SNTB1: variants seen among roughly 807,000 people sequenced by gnomAD.
The protein encoded by SNTB1 is beta-1-syntrophin.
A neutral mutation model predicts 48.9 loss-of-function variants in SNTB1; 36 were observed. That is an observed-to-expected ratio of 0.74 (90% CI 0.56 to 0.97). SNTB1 has a LOEUF of 0.97. Among genes scored for constraint, SNTB1 ranks in the 50% least tolerant of loss-of-function variants. The probability of loss-of-function intolerance (pLI) is 0.00; values close to 1 mark genes in which losing one functional copy is unlikely to be tolerated. For synonymous variants in SNTB1, 299 were observed against 294.6 expected (o/e 1.01, Z -0.15); for missense variants, 786 against 703.4 (o/e 1.12, Z -1.33).
intron 1 of SNTB1, among the ~76,000 whole-genome samples, chr8:120,776,148 T>C (rs1819732896): frequency 1.3e-5 from 2 of 152,166 alleles, no homozygotes; most frequent in Admixed American, 6.5e-5. Flanking sequence ...TGTGTGTTTA[T>C]CAAGGGCCCA....
At position 120,579,214 on chromosome 8, in the gene SNTB1, A is replaced by AAACAAACG. The variant is rs566057930; in HGVS notation, c.997-3990_997-3989insCGTTTGTT. Among the ~76,000 whole-genome samples, 202 of 150,912 alleles carry AAACAAACG rather than the reference A, an allele frequency of 1.3e-3. 21 individuals are homozygous for AAACAAACG. Among genetic ancestry groups the AAACAAACG allele is most frequent in the South Asian group, 0.011 (52 of 4,660 alleles). ...CAAACAAACAAACAAACAAACAAAC[A>AAACAAACG]AAGAGCAAACAAACAATTGAAAGAG... is the stretch of plus-strand genomic sequence containing the variant. On this transcript the variant is annotated intron_variant, in intron 3 of 6. Coordinates refer to ENST00000517992, the MANE Select transcript of SNTB1 (RefSeq NM_021021.4).
rs115805331 is a variant in SNTB1 at position 120,702,788 on chromosome 8, G to A, written c.572-8880C>T. On this transcript the variant is annotated intron_variant, in intron 1 of 6. Coordinates refer to ENST00000517992, the MANE Select transcript of SNTB1 (RefSeq NM_021021.4). ...GACTACTTTACAAACTCTGGACTCC[G>A]GAGCCAGACTATACAGTTCACATCC... Among the ~76,000 whole-genome samples, 1,181 of 152,272 alleles carry A rather than the reference G, an allele frequency of 7.8e-3. 14 individuals carry two copies. Among genetic ancestry groups the A allele is most frequent in the African/African-American group, 0.027 (1,142 of 41,558 alleles).
chr8:120,757,664 C>G (rs1819340419), intron 1 of SNTB1, among the ~76,000 whole-genome samples: 2 of 152,174 alleles, frequency 1.3e-5, no homozygotes, highest in African/African-American at 4.8e-5. Flanking sequence ...CTTAACAAGT[C>G]TTCCCTTCTT....
At chr8:120,734,841 C>T (rs926828730) in intron 1 of SNTB1, among the ~76,000 whole-genome samples, 1 of 152,104 alleles carries the variant, frequency 6.6e-6, no homozygotes, top group Non-Finnish European at 1.5e-5. Flanking sequence ...GAAAAAGAGC[C>T]CTCCGGCTTA....
intron 1 of SNTB1, chr8:120,768,514 CA>C (rs1819565713): frequency 6.6e-6 from 1 of 152,110 alleles, no homozygotes; most frequent in Non-Finnish European, 1.5e-5. Flanking sequence ...GGGCAGACAG[CA>C]AACACATGAA....
At chr8:120,546,840 G>A (rs1402550834) in intron 5 of SNTB1, among the ~76,000 whole-genome samples, 2 of 152,170 alleles carry the variant, frequency 1.3e-5, no homozygotes, top group Non-Finnish European at 2.9e-5. Flanking sequence ...ATATATGTAA[G>A]TTTGGATGTC....
intron 1 of SNTB1, among the ~76,000 whole-genome samples, chr8:120,708,940 C>T (rs955886754): frequency 6.6e-6 from 1 of 152,112 alleles, no homozygotes. Context: ...CCTCCCATTA[C>T]CCCTCTATAT....
At chr8:120,756,749 T>C (rs1283387759) in intron 1 of SNTB1, among the ~76,000 whole-genome samples, 15 of 152,254 alleles carry the variant, frequency 9.9e-5, no homozygotes, top group Non-Finnish European at 2.2e-4. Context: ...AATGGGGCTT[T>C]TTATATCCCT....
At position 120,557,442 on chromosome 8, in the gene SNTB1, A is replaced by G. The variant is rs111313363; in HGVS notation, c.1137-8484T>C. The stretch of plus-strand genomic sequence containing the variant: ...GGTTGCCTAAGCTGGCAGCCAACAG[A>G]GGTTCTTGGGTGCTTACTCTGTAGG... On this transcript the variant is annotated intron_variant, in intron 4 of 6. Transcript: ENST00000517992. Among the ~76,000 whole-genome samples the G allele has an allele frequency of 1.2e-3, 187 of 152,236 alleles. 2 individuals are homozygous for G. Among genetic ancestry groups the G allele is most frequent in the Middle Eastern group, 0.01 (3 of 294 alleles).
chr8:120,610,205 C>T (rs937802837), intron 3 of SNTB1, among the ~76,000 whole-genome samples: 9 of 152,132 alleles, frequency 5.9e-5, no homozygotes, highest in Non-Finnish European at 8.8e-5. Flanking sequence ...GGCGTGATCT[C>T]GGCTCACTGC....
intron 1 of SNTB1, chr8:120,769,364 A>T (rs1819580567): frequency 6.6e-6 from 1 of 152,116 alleles, no homozygotes; most frequent in East Asian, 1.9e-4. Flanking sequence ...ACCTGCTTTG[A>T]CACTCCTCCT....
chr8:120,559,998 C>T (rs1009160766), intron 4 of SNTB1, among the ~76,000 whole-genome samples: 1 of 152,016 alleles, frequency 6.6e-6, no homozygotes, highest in African/African-American at 2.4e-5. Flanking sequence ...CAAATACTTT[C>T]ATCCACTGGC....
At chr8:120,597,644 A>G (rs1816346901) in intron 3 of SNTB1, among the ~76,000 whole-genome samples, 1 of 152,262 alleles carries the variant, frequency 6.6e-6, no homozygotes, top group Non-Finnish European at 1.5e-5. Context: ...CTTAATAAGG[A>G]TATAAGTCAT....
intron 1 of SNTB1, among the ~76,000 whole-genome samples, chr8:120,741,610 T>C (rs936510138): frequency 6.6e-6 from 1 of 152,016 alleles, no homozygotes; most frequent in Non-Finnish European, 1.5e-5. Flanking sequence ...CCAGAGTCCC[T>C]CTCCAAACAA....
At chr8:120,693,648 C>A (rs1478964508) in intron 2 of SNTB1, 44 bp downstream of exon 2, 5 of 1,558,040 alleles carry the variant, frequency 3.2e-6, no homozygotes, top group African/African-American at 1.4e-5. Context: ...GCCTGAGAGG[C>A]CGAGGAGCTG....
chr8:120,799,677 A>G (rs889969409), intron 1 of SNTB1, among the ~76,000 whole-genome samples: 2 of 152,020 alleles, frequency 1.3e-5, no homozygotes, highest in Non-Finnish European at 2.9e-5. Flanking sequence ...ATGTTCAGTT[A>G]ATAGGATTTC....
intron 4 of SNTB1, among the ~76,000 whole-genome samples, chr8:120,569,744 A>T (rs976649624): frequency 6.6e-6 from 1 of 152,198 alleles, no homozygotes; most frequent in African/African-American, 2.4e-5. Context: ...TGCTGTTCGA[A>T]ATGGTAGTCA....
chr8:120,789,244 G>A lies in SNTB1; in HGVS notation c.571+22029C>T, dbSNP rs371918209. ...AAACCTCTGGGATATAGCAAAAGGC[G>A]TGCTAAGAAGAAAGTTTATAGCACA... On this transcript the variant is annotated intron_variant, in intron 1 of 6. Coordinates refer to ENST00000517992, the MANE Select transcript of SNTB1 (RefSeq NM_021021.4). 1.6e-4 allele frequency among the ~76,000 whole-genome samples: 25 copies of A among 151,968 alleles called. No individual in the cohort carries two copies. The East Asian group carries it at 3.1e-3, about 19-fold the overall frequency.
intron 1 of SNTB1, among the ~76,000 whole-genome samples, chr8:120,744,629 T>C (rs1436023947): frequency 6.6e-6 from 1 of 152,150 alleles, no homozygotes; most frequent in Non-Finnish European, 1.5e-5. Context: ...TATTTTATTA[T>C]TTTTTAGTGT....
Sources: allele counts gnomAD v4.1 joint callset (sites outside exome capture counted in the v4.1 genomes callset), GRCh38; gene constraint gnomAD v4.1.1; transcripts MANE v1.5; gene names NCBI Gene and HGNC (gene_info 2026-07-23, HGNC 2026-07-21).